The following AUTS2 variants were observed in gnomAD, a reference collection of about 807,000 sequenced individuals.
AUTS2 encodes the protein activator of transcription and developmental regulator AUTS2, also known as autism susceptibility gene 2 protein.
Under a neutral mutation model 112.4 loss-of-function variants are expected in AUTS2, and 17 were observed. The observed-to-expected ratio is 0.15, with a 90% CI of 0.10 to 0.23. AUTS2 has a LOEUF of 0.23. AUTS2 is among the 10% of genes least tolerant of loss of function. The probability of loss-of-function intolerance (pLI) is 1.00; values close to 1 mark genes in which losing one functional copy is unlikely to be tolerated. For missense variants in AUTS2, 1,510 were observed against 1,701.6 expected (o/e 0.89, Z 1.98); for synonymous variants, 751 against 702.7 (o/e 1.07, Z -1.09).
chr7:69,833,764 T>C (rs188538674), intron 1 of AUTS2, among the ~76,000 whole-genome samples: 6 of 152,310 alleles, frequency 3.9e-5, no homozygotes, highest in African/African-American at 7.2e-5. Context: ...CTGAAAAATC[T>C]TGCTTGAACT....
rs1254542196 is a variant in AUTS2, at chr7:70,631,346, T to A, written c.691-67223T>A. Among the ~76,000 whole-genome samples the A allele has an allele frequency of 1.3e-5, 2 of 152,144 alleles. No individual in the cohort carries two copies. The highest frequency in any genetic ancestry group is 2.9e-5 in the Non-Finnish European group (2 of 68,024). ...GAACACCAGGGCAGGGGCTGGCGAC[T>A]GGCGGCGGGGAAGCATGTGCACATG... is the stretch of plus-strand genomic sequence containing the variant. On this transcript the variant is annotated intron_variant, in intron 5 of 18. Coordinates refer to ENST00000342771, the MANE Select transcript of AUTS2 (RefSeq NM_015570.4). The surrounding 1 kb of genome is among the most constrained non-coding windows in gnomAD (Gnocchi z 4.5).
intron 2 of AUTS2, among the ~76,000 whole-genome samples, chr7:69,954,970 GA>G (rs139948570): frequency 1.3e-3 from 195 of 152,284 alleles, no homozygotes; most frequent in African/African-American, 4.5e-3. Flanking sequence ...CTCTTAAGTG[GA>G]ACTTCTACAT....
chr7:70,437,927 G>C (rs1242023518), intron 5 of AUTS2: 1 of 151,446 alleles, frequency 6.6e-6, no homozygotes, highest in Non-Finnish European at 1.5e-5. Flanking sequence ...GCCCGGTTTT[G>C]TGTTCCTTGT....
At chr7:70,109,297 C>T (rs1203056236) in intron 2 of AUTS2, among the ~76,000 whole-genome samples, 1 of 152,082 alleles carries the variant, frequency 6.6e-6, no homozygotes, top group African/African-American at 2.4e-5. Context: ...GAAAACTGTA[C>T]TAAAGCAATC....
At chr7:69,994,793 A>G (rs534424355) in intron 2 of AUTS2, among the ~76,000 whole-genome samples, 1 of 152,212 alleles carries the variant, frequency 6.6e-6, no homozygotes. Flanking sequence ...TAGACATGCA[A>G]GAATTAACAA....
In AUTS2 at chr7:70,118,286, C is replaced by CCA. The variant is rs1344553199; in HGVS notation, c.624+63_624+64dup. 9.5e-5 allele frequency: 140 copies of CCA among 1,479,544 alleles called. No individual in the cohort carries two copies. In the East Asian group the frequency reaches 1.5e-3, roughly 16 times the overall value. 91.7% of individuals were successfully genotyped at this position (1,479,544 alleles called of 1,614,324 possible). ...AAAAAAATTAACGAAAACCACTAGG[C>CCA]CACACACACACCATTGGTTCAAGTC... is the stretch of plus-strand genomic sequence containing the variant. On this transcript the variant is annotated intron_variant, in intron 3 of 18. Transcript: ENST00000342771.
chr7:70,220,768 A>G (rs922762146), intron 4 of AUTS2, among the ~76,000 whole-genome samples: 2 of 152,200 alleles, frequency 1.3e-5, no homozygotes, highest in African/African-American at 4.8e-5. Flanking sequence ...GTCAACCATG[A>G]GTCACTTATT....
At position 70,259,830 on chromosome 7, in the gene AUTS2, C is replaced by T. The variant is rs770371682; in HGVS notation, c.660+125259C>T. Among the ~76,000 whole-genome samples, 38 of 152,104 alleles carry T rather than the reference C, an allele frequency of 2.5e-4. 1 individual carries two copies. Among genetic ancestry groups the T allele is most frequent in the Non-Finnish European group, 5.9e-5 (4 of 68,014 alleles). ...TTGACTCATTTGTATCTTGGCCTCACATTAGTGGGGTAGATAGGAGCCAAA... is the reference window on the plus strand; with the variant it reads ...TTGACTCATTTGTATCTTGGCCTCATATTAGTGGGGTAGATAGGAGCCAAA... On this transcript the variant is annotated intron_variant, in intron 4 of 18. Coordinates refer to ENST00000342771, the MANE Select transcript of AUTS2 (RefSeq NM_015570.4).
intron 1 of AUTS2, among the ~76,000 whole-genome samples, chr7:69,647,982 T>G (rs1795108203): frequency 6.6e-6 from 1 of 152,204 alleles, no homozygotes; most frequent in Non-Finnish European, 1.5e-5. Flanking sequence ...ACATCTGCCC[T>G]AATCCACCCT....
intron 5 of AUTS2, among the ~76,000 whole-genome samples, chr7:70,463,350 G>T (rs1445932336): frequency 6.6e-6 from 1 of 152,238 alleles, no homozygotes; most frequent in Admixed American, 6.5e-5. Flanking sequence ...ATAAGACCCA[G>T]ATAAGCATAG....
chr7:69,668,549 G>A (rs1796174038), intron 1 of AUTS2, among the ~76,000 whole-genome samples: 1 of 152,190 alleles, frequency 6.6e-6, no homozygotes, highest in Non-Finnish European at 1.5e-5. Context: ...AGGATATCCT[G>A]TCAATCAAGA....
At chr7:70,130,941 C>T (rs1806238764) in intron 3 of AUTS2, among the ~76,000 whole-genome samples, 1 of 152,124 alleles carries the variant, frequency 6.6e-6, no homozygotes. Context: ...CCCTTTTCAG[C>T]AAAAGTATTT....
At chr7:69,636,295 ATC>A (rs905813729) in intron 1 of AUTS2, among the ~76,000 whole-genome samples, 6 of 152,142 alleles carry the variant, frequency 3.9e-5, no homozygotes, top group Admixed American at 3.3e-4. Flanking sequence ...CAGTAGAGCA[ATC>A]TCGGCTTACT....
intron 1 of AUTS2, among the ~76,000 whole-genome samples, chr7:69,817,339 C>T (rs547759436): frequency 1.3e-5 from 2 of 152,356 alleles, no homozygotes; most frequent in South Asian, 2.1e-4. Flanking sequence ...TATTTGGTCA[C>T]ATTCCTGTCT....
chr7:70,374,014 T>C (rs549005294), intron 4 of AUTS2, among the ~76,000 whole-genome samples: 2 of 152,320 alleles, frequency 1.3e-5, no homozygotes, highest in South Asian at 4.1e-4. Context: ...ATAACCTATC[T>C]CCTGCAACTA....
At chr7:70,630,225 G>A (rs113268823) in intron 5 of AUTS2, among the ~76,000 whole-genome samples, 134 of 152,264 alleles carry the variant, frequency 8.8e-4, no homozygotes, top group African/African-American at 3.0e-3. Context: ...TCAGAGGAGC[G>A]GAAAGCTGGG....
At chr7:70,230,244 CTTTTTTG>C (rs1811977562) in intron 4 of AUTS2, among the ~76,000 whole-genome samples, 1 of 152,062 alleles carries the variant, frequency 6.6e-6, no homozygotes, top group Admixed American at 6.6e-5. Context: ...ATGGTTGTTT[CTTTTTTG>C]TTTTTTGTTT....
chr7:70,453,374 C>T (rs1477219932), intron 5 of AUTS2, among the ~76,000 whole-genome samples: 1 of 152,184 alleles, frequency 6.6e-6, no homozygotes, highest in African/African-American at 2.4e-5. Flanking sequence ...TCAGTCCTTC[C>T]TAAGCATTAC....
At chr7:69,985,886 GCTAAGAC>G (rs1798493296) in intron 2 of AUTS2, among the ~76,000 whole-genome samples, 1 of 152,042 alleles carries the variant, frequency 6.6e-6, no homozygotes, top group Non-Finnish European at 1.5e-5. Context: ...TTCCCGAGTA[GCTAAGAC>G]TACAGGCACG....
Sources: gnomAD v4.1 joint callset for allele counts (sites outside exome capture counted in the v4.1 genomes callset) on GRCh38, gnomAD v4.1.1 for gene constraint, Gnocchi (gnomAD v3.1) non-coding constraint, MANE v1.5 for transcripts, NCBI Gene and HGNC (gene_info 2026-07-23, HGNC 2026-07-21) for gene names.